SNAP25: variants seen among roughly 807,000 people sequenced by gnomAD.
SNAP25 encodes the protein synaptosome associated protein 25.
Under a neutral mutation model 28.7 loss-of-function variants are expected in SNAP25, and 3 were observed. The observed-to-expected ratio is 0.10, with a 90% CI of 0.05 to 0.27. The LOEUF (loss-of-function observed/expected upper bound fraction) is 0.27, where lower values mean the gene tolerates loss of function less well. Among genes scored for constraint, SNAP25 ranks in the 10% least tolerant of loss-of-function variants. The pLI is 1.00. For missense variants in SNAP25, 117 were observed against 278.7 expected (o/e 0.42, Z 4.13); for synonymous variants, 61 against 88.1 (o/e 0.69, Z 1.72).
At chr20:10,221,690 C>T (rs1010153662) in intron 1 of SNAP25, among the ~76,000 whole-genome samples, 3 of 152,232 alleles carry the variant, frequency 2.0e-5, no homozygotes, top group East Asian at 3.8e-4. Context: ...CGCACAACCA[C>T]ACATGCACAA....
intron 1 of SNAP25, among the ~76,000 whole-genome samples, chr20:10,244,956 C>T (rs906838971): frequency 1.3e-5 from 2 of 152,104 alleles, no homozygotes; most frequent in Admixed American, 6.5e-5. Flanking sequence ...GTCTCGAACT[C>T]CTGACCTCAG....
At chr20:10,297,567 T>C (rs921601046) in intron 6 of SNAP25, among the ~76,000 whole-genome samples, 4 of 152,120 alleles carry the variant, frequency 2.6e-5, no homozygotes, top group African/African-American at 9.7e-5. Flanking sequence ...GAGCTAGCAA[T>C]AGCAGGAAGT....
At chr20:10,248,092 C>A (rs1426132712) in intron 1 of SNAP25, among the ~76,000 whole-genome samples, 1 of 152,190 alleles carries the variant, frequency 6.6e-6, no homozygotes, top group Admixed American at 6.5e-5. Context: ...ACACTCCAAT[C>A]TAATCATGTT....
intron 1 of SNAP25, among the ~76,000 whole-genome samples, chr20:10,235,313 A>T (rs1171707778): frequency 1.3e-5 from 2 of 152,226 alleles, no homozygotes; most frequent in African/African-American, 4.8e-5. Context: ...CAACTATTAA[A>T]ATATTTTTAG....
intron 2 of SNAP25, among the ~76,000 whole-genome samples, chr20:10,276,645 C>T (rs1044751387): frequency 6.6e-6 from 1 of 152,198 alleles, no homozygotes; most frequent in East Asian, 1.9e-4. Context: ...GTCAGAACTA[C>T]TCTGGTTCAT....
rs575335546 is a variant in SNAP25 at position 10,250,146 on chromosome 20, C to T, written c.-63-25283C>T. Among the ~76,000 whole-genome samples the T allele has an allele frequency of 1.4e-4, 22 of 152,296 alleles. No individual in the cohort carries two copies. The South Asian group carries it at 1.9e-3, about 13-fold the overall frequency. On this transcript the variant is annotated intron_variant, in intron 1 of 7. Coordinates refer to ENST00000254976, the MANE Select transcript of SNAP25 (RefSeq NM_130811.4). ...CAGACCTTTTCAAGATCTCTGTTTC[C>T]GTCATTCCCTTTCAAAATTATATTT...
chr20:10,280,246 CT>C (rs1313265704), intron 3 of SNAP25, among the ~76,000 whole-genome samples: 2 of 152,148 alleles, frequency 1.3e-5, no homozygotes. Flanking sequence ...GGGGTGGGGC[CT>C]TGCTTTTTAA....
chr20:10,242,018 G>A lies in SNAP25; in HGVS notation c.-64+23041G>A, dbSNP rs147594049. On this transcript the variant is annotated intron_variant, in intron 1 of 7. Transcript: ENST00000254976. The stretch of plus-strand genomic sequence containing the variant: ...CCCAGGGAGGCAGCATTCCTTACTA[G>A]GGGATCCCTACTGGACAGTAATGGC... Among the ~76,000 whole-genome samples, 13 of 152,294 alleles carry A rather than the reference G, an allele frequency of 8.5e-5. No homozygotes were observed. In the East Asian group the frequency reaches 2.5e-3, roughly 29 times the overall value.
chr20:10,226,749 T>C (rs1168191635), intron 1 of SNAP25, among the ~76,000 whole-genome samples: 1 of 152,174 alleles, frequency 6.6e-6, no homozygotes, highest in Non-Finnish European at 1.5e-5. Context: ...AGAACCAGCC[T>C]CAGCCATCAC....
intron 7 of SNAP25, among the ~76,000 whole-genome samples, chr20:10,302,953 GGATAT>G (rs2064274553): frequency 6.6e-6 from 1 of 152,064 alleles, no homozygotes; most frequent in African/African-American, 2.4e-5. Context: ...GATCCTTTAA[GGATAT>G]ACAGAGTAAC....
chr20:10,251,634 A>G lies in SNAP25; in HGVS notation c.-63-23795A>G, dbSNP rs527500390. Among the ~76,000 whole-genome samples the G allele has an allele frequency of 3.3e-5, 5 of 152,350 alleles. No homozygotes were observed. The South Asian group carries it at 1.0e-3, about 32-fold the overall frequency. Reference sequence around the variant, plus strand: ...CTGTCCTACCTCCAAAAAGGAACACATAAATCTATTTGAATGGAGCCATGT... The same window carrying G: ...CTGTCCTACCTCCAAAAAGGAACACGTAAATCTATTTGAATGGAGCCATGT... On this transcript the variant is annotated intron_variant, in intron 1 of 7. Transcript: ENST00000254976.
intron 1 of SNAP25, among the ~76,000 whole-genome samples, chr20:10,243,456 G>A (rs1302090857): frequency 6.6e-6 from 1 of 152,106 alleles, no homozygotes; most frequent in African/African-American, 2.4e-5. Context: ...GCACCACATT[G>A]CATTTAATTG....
At chr20:10,286,800 A>C (rs1049499546) in intron 4 of SNAP25, among the ~76,000 whole-genome samples, 1 of 152,240 alleles carries the variant, frequency 6.6e-6, no homozygotes, top group African/African-American at 2.4e-5. Context: ...TTCACAATAC[A>C]AATTGTCAAA....
intron 5 of SNAP25, among the ~76,000 whole-genome samples, chr20:10,295,704 A>C (rs1452448179): frequency 6.6e-6 from 1 of 152,210 alleles, no homozygotes; most frequent in East Asian, 1.9e-4. Context: ...AAAATGTGAA[A>C]ATGGGACCAA....
chr20:10,287,624 A>G (rs1337149687), intron 4 of SNAP25, among the ~76,000 whole-genome samples: 1 of 140,424 alleles, frequency 7.1e-6, no homozygotes, highest in East Asian at 2.0e-4. Flanking sequence ...ATCTAGAACT[A>G]GAAATACCAT....
intron 1 of SNAP25, among the ~76,000 whole-genome samples, chr20:10,232,393 G>C (rs775847791): frequency 1.6e-4 from 25 of 152,364 alleles, no homozygotes; most frequent in Non-Finnish European, 2.6e-4. Context: ...GGAAGAACCA[G>C]TTGCAAAGCA....
chr20:10,234,114 G>A (rs761786840), intron 1 of SNAP25, among the ~76,000 whole-genome samples: 10 of 152,062 alleles, frequency 6.6e-5, no homozygotes, highest in East Asian at 1.9e-4. Flanking sequence ...AAGCAATTGC[G>A]TTGATTTATT....
intron 1 of SNAP25, among the ~76,000 whole-genome samples, chr20:10,223,714 C>G (rs999845137): frequency 6.6e-6 from 1 of 152,186 alleles, no homozygotes; most frequent in East Asian, 1.9e-4. Flanking sequence ...ATAGAAATTT[C>G]TAGAGAACCC....
intron 1 of SNAP25, among the ~76,000 whole-genome samples, chr20:10,252,639 A>G (rs1221766847): frequency 1.3e-5 from 2 of 152,236 alleles, no homozygotes; most frequent in Non-Finnish European, 2.9e-5. Flanking sequence ...TTATACTTCA[A>G]TAAAGCTGTT....
Sources: allele counts gnomAD v4.1 joint callset (sites outside exome capture counted in the v4.1 genomes callset), GRCh38; gene constraint gnomAD v4.1.1; transcripts MANE v1.5; gene names NCBI Gene and HGNC (gene_info 2026-07-23, HGNC 2026-07-21).